Variants in TMEM144 observed in about 807,000 individuals in gnomAD.
TMEM144 encodes transmembrane protein 144.
Under a neutral mutation model 43.6 loss-of-function variants are expected in TMEM144, and 39 were observed. The observed-to-expected ratio is 0.90, with a 90% CI of 0.69 to 1.17. The LOEUF is 1.17. TMEM144 is among the 50% of genes most tolerant of loss of function. The pLI, the probability that TMEM144 is intolerant of heterozygous loss-of-function variation, is 0.00. For missense variants in TMEM144, 417 were observed against 411.9 expected, an observed-to-expected ratio of 1.01 and a Z score of -0.11; for synonymous variants, 154 against 133.6, an observed-to-expected ratio of 1.15 and a Z score of -1.06.
intron 8 of TMEM144, chr4:158,235,786 A>C: frequency 3.5e-6 from 1 of 289,322 alleles, no homozygotes; most frequent in Non-Finnish European, 6.6e-6. Context: ...TGTGTAGCTA[A>C]AGTAAAAGAG....
intron 6 of TMEM144, among the ~76,000 whole-genome samples, chr4:158,231,805 T>C (rs1735094313): frequency 6.6e-6 from 1 of 152,102 alleles, no homozygotes; most frequent in Non-Finnish European, 1.5e-5. Flanking sequence ...GGATGGAACA[T>C]AATGCAGAGA....
chr4:158,223,393 A>G (rs976734713), intron 6 of TMEM144, among the ~76,000 whole-genome samples: 1 of 152,208 alleles, frequency 6.6e-6, no homozygotes, highest in African/African-American at 2.4e-5. Flanking sequence ...GTTTGAAGTA[A>G]AACAATCAAG....
At chr4:158,240,555 T>A in intron 10 of TMEM144, 137 bp downstream of exon 10, 1 of 865,726 alleles carries the variant, frequency 1.2e-6, no homozygotes, top group Non-Finnish European at 1.7e-6. Context: ...TGTGTGTGTG[T>A]GTGCATGTTC....
In TMEM144 at chr4:158,212,601, A is replaced by T; in HGVS notation, c.-60-7A>T. On this transcript the variant is annotated splice_polypyrimidine_tract_variant and splice_region_variant and intron_variant, in intron 2 of 12. Coordinates refer to ENST00000296529, the MANE Select transcript of TMEM144 (RefSeq NM_018342.5). ...TCTCAATTGTTTCATTTTTTCTTTT[A>T]TTTCAGAAGCTCCTGAAAAGTACAT... 8.6e-7 allele frequency: 1 copy of T among 1,157,574 alleles called. No homozygotes were observed. The highest frequency in any genetic ancestry group is 1.2e-6 in the Non-Finnish European group (1 of 809,760). 71.7% of individuals were successfully genotyped at this position (1,157,574 alleles called of 1,614,324 possible). A position where few individuals can be genotyped will look rare whatever the true frequency, so the allele number is the denominator to read the frequency against.
chr4:158,225,997 C>T (rs1402052351), intron 6 of TMEM144, among the ~76,000 whole-genome samples: 2 of 152,238 alleles, frequency 1.3e-5, no homozygotes, highest in East Asian at 3.8e-4. Flanking sequence ...ACTGGAGGAC[C>T]ACCTTAGTGG....
rs189309418 is a variant in TMEM144, at chr4:158,217,625, T to C, written c.332+205T>C. ...CTAGATATTTGATCAAGATATAGTG[T>C]AGCATTAAATCTGGGAAACAGAGGT... On this transcript the variant is annotated intron_variant, in intron 5 of 12. Transcript: ENST00000296529. Among the ~76,000 whole-genome samples the C allele has an allele frequency of 2.0e-3, 301 of 152,324 alleles. 2 individuals carry two copies. Among genetic ancestry groups the C allele is most frequent in the African/African-American group, 6.4e-3 (265 of 41,570 alleles).
In TMEM144 at chr4:158,229,755, CTGA is replaced by C. The variant is rs766544336; in HGVS notation, c.414-3145_414-3143del. The stretch of plus-strand genomic sequence containing the variant: ...GAGAAAGGATGGGTCAGGGTCAGGC[CTGA>C]AGAGGTGCTCTGGCCACATTCTGCC... On this transcript the variant is annotated intron_variant, in intron 6 of 12. Transcript: ENST00000296529. 1.3e-3 allele frequency among the ~76,000 whole-genome samples: 199 copies of C among 152,268 alleles called. 3 individuals are homozygous for C. Among genetic ancestry groups the C allele is most frequent in the Non-Finnish European group, 2.6e-3 (176 of 68,024 alleles).
At chr4:158,237,497 A>G in intron 8 of TMEM144, 28 bp from the exon 9 acceptor site, 1 of 1,551,484 alleles carries the variant, frequency 6.4e-7, no homozygotes, top group Non-Finnish European at 8.9e-7. Context: ...TTGAGCCAAG[A>G]TTAATAGTGA....
chr4:158,212,802 C>T (rs748751547), intron 3 of TMEM144, 26 bp downstream of exon 3: 40 of 1,529,236 alleles, frequency 2.6e-5, no homozygotes, highest in East Asian at 6.8e-5. Context: ...TGATTGTTAA[C>T]GTTATATTAT....
Position 158,212,642 on chromosome 4 carries a change from C to G in TMEM144, c.-26C>G, listed in dbSNP as rs746832651. ...AAAAGTACATCAAGTCTAAAGTGAA[C>G]CAGCTAACTCATTAAGACTGGAATC... On this transcript the variant is annotated 5_prime_UTR_variant, in exon 3 of 13. Transcript: ENST00000296529. 2 of 1,534,176 alleles carry G rather than the reference C, an allele frequency of 1.3e-6. No individual in the cohort carries two copies. Among genetic ancestry groups the G allele is most frequent in the Admixed American group, 3.7e-5 (2 of 53,580 alleles).
chr4:158,214,126 T>C (rs1185496091), intron 3 of TMEM144: 1 of 152,180 alleles, frequency 6.6e-6, no homozygotes, highest in Non-Finnish European at 1.5e-5. Flanking sequence ...AACCTCCACC[T>C]TTAGGGTTCA....
At chr4:158,241,629 C>G in intron 11 of TMEM144, 23 bp downstream of exon 11, 1 of 1,602,922 alleles carries the variant, frequency 6.2e-7, no homozygotes, top group Non-Finnish European at 8.5e-7. Context: ...ACTGGTTTTC[C>G]TAATTTTCAT....
chr4:158,253,265 G>C (rs1360285094), intron 12 of TMEM144, among the ~76,000 whole-genome samples, 179 bp from the exon 13 acceptor site: 1 of 152,190 alleles, frequency 6.6e-6, no homozygotes, highest in African/African-American at 2.4e-5. Flanking sequence ...TTTACGGAAT[G>C]GGTGAATTCA....
Position 158,253,567 on chromosome 4 carries a change from A to C in TMEM144, c.*40A>C. On this transcript the variant is annotated 3_prime_UTR_variant, in exon 13 of 13. Coordinates refer to ENST00000296529, the MANE Select transcript of TMEM144 (RefSeq NM_018342.5). ...GCAGGTGGCAGCAGTAGTTAAGAGA[A>C]CGCGTCTATCGGACAGCGGAGAGAT... 1 of 1,517,024 alleles carries C rather than the reference A, an allele frequency of 6.6e-7. No individual in the cohort carries two copies. Among genetic ancestry groups the C allele is most frequent in the Non-Finnish European group, 9.1e-7 (1 of 1,094,452 alleles). The allele number at this position is 1,517,024 out of a possible 1,614,324, so 94.0% of individuals were successfully genotyped here.
chr4:158,235,436 A>G lies in TMEM144; in HGVS notation c.496-2A>G, dbSNP rs756152997. 1 of 1,613,766 alleles carries G rather than the reference A, an allele frequency of 6.2e-7. No individual in the cohort carries two copies. Among genetic ancestry groups the G allele is most frequent in the Admixed American group, 1.7e-5 (1 of 59,958 alleles). On this transcript the variant is annotated splice_acceptor_variant, in intron 7 of 12. Transcript: ENST00000296529. LOFTEE classifies it high-confidence loss of function. Reference sequence around the variant, plus strand: ...TTTAATTTGGGCCAATGTTTTCAATAGGTGATCAACACAACCCAAGACCCC... The same window carrying G: ...TTTAATTTGGGCCAATGTTTTCAATGGGTGATCAACACAACCCAAGACCCC...
Position 158,253,424 on chromosome 4 carries a change from T to TA in TMEM144, c.955-19dup, listed in dbSNP as rs749485176. On this transcript the variant is annotated intron_variant, in intron 12 of 12. Coordinates refer to ENST00000296529, the MANE Select transcript of TMEM144 (RefSeq NM_018342.5). Reference sequence around the variant, plus strand: ...TGATTCAGGCCTTATTCATCACTGTTATTCTTTTTTCTTATTCAGGGTCTA... The same window carrying TA: ...TGATTCAGGCCTTATTCATCACTGTTAATTCTTTTTTCTTATTCAGGGTCTA... The TA allele has an allele frequency of 1.9e-6, 3 of 1,589,832 alleles. No homozygotes were observed. Among genetic ancestry groups the TA allele is most frequent in the Non-Finnish European group, 2.6e-6 (3 of 1,160,504 alleles).
chr4:158,215,650 A>G (rs1734186224), intron 4 of TMEM144, among the ~76,000 whole-genome samples: 1 of 152,186 alleles, frequency 6.6e-6, no homozygotes, highest in Non-Finnish European at 1.5e-5. Flanking sequence ...TGTTTATCAG[A>G]AAATATTTAT....
At chr4:158,219,483 A>G (rs542849865) in intron 6 of TMEM144, 93 bp downstream of exon 6, 1 of 1,196,906 alleles carries the variant, frequency 8.4e-7, no homozygotes, top group African/African-American at 1.5e-5. Flanking sequence ...TTAAACCTAC[A>G]TTTCGTAAAA....
chr4:158,251,049 C>G, intron 12 of TMEM144, among the ~76,000 whole-genome samples: 1 of 152,064 alleles, frequency 6.6e-6, no homozygotes, highest in African/African-American at 2.4e-5. Context: ...TTCCTTTTTT[C>G]TTTTTCCAGA....
Sources: allele counts gnomAD v4.1 joint callset (sites outside exome capture counted in the v4.1 genomes callset), GRCh38; gene constraint gnomAD v4.1.1; transcripts MANE v1.5; gene names NCBI Gene and HGNC (gene_info 2026-07-23, HGNC 2026-07-21).